Variants in CASP4 observed in about 807,000 individuals in gnomAD.
CASP4 encodes caspase 4, also known as caspase-4.
A neutral mutation model predicts 41.3 loss-of-function variants in CASP4; 29 were observed. The observed-to-expected ratio is 0.70, with a 90% confidence interval of 0.52 to 0.96. CASP4 has a LOEUF of 0.96. Ranked by LOEUF, CASP4 falls within the 40% of genes least tolerant of loss-of-function variation. CASP4 has a pLI of 0.00. For missense variants in CASP4, 447 were observed against 460.6 expected (o/e 0.97, Z 0.27); for synonymous variants, 185 against 158.4 (o/e 1.17, Z -1.26).
chr11:104,949,882 G>T, intron 4 of CASP4, 105 bp from the exon 5 acceptor site: 1 of 1,061,934 alleles, frequency 9.4e-7, no homozygotes, highest in Non-Finnish European at 1.4e-6. Context: ...CATCCAGGTC[G>T]TGGTGCTTCA....
At chr11:104,967,140 T>C (rs1284120905) in intron 1 of CASP4, among the ~76,000 whole-genome samples, 4 of 152,194 alleles carry the variant, frequency 2.6e-5, no homozygotes, top group African/African-American at 9.7e-5. Context: ...AGGATACAAT[T>C]CCTCAAGAGT....
At position 104,951,002 on chromosome 11, in the gene CASP4, A is replaced by G; in HGVS notation, c.469T>C (p.Phe157Leu). The G allele has an allele frequency of 6.2e-7, 1 of 1,613,512 alleles. No homozygotes were observed. Residue 157 changes from phenylalanine to leucine, a missense_variant, in exon 4 of 9, where the codon TTT becomes CTT. By Grantham distance (22) the Phe-to-Leu change is conservative. Coordinates refer to ENST00000444739, the MANE Select transcript of CASP4 (RefSeq NM_001225.4). Reference protein sequence around the residue: ...DHLPPRNGADFDITGMKELLE... With the variant: ...DHLPPRNGADLDITGMKELLE... ...AGCTCCTTCATCCCTGTGATGTCAA[A>G]GTCAGCTCCATTCCTCGGAGGCAGA...
In CASP4 at chr11:104,950,818, A is replaced by ACACACACACACC. The variant is rs1296932570; in HGVS notation, c.546+106_546+107insGGTGTGTGTGTG. 3.0e-6 allele frequency: 3 copies of ACACACACACACC among 983,676 alleles called. No individual in the cohort carries two copies. The African/African-American group carries it at 4.9e-5, about 16-fold the overall frequency. The allele number at this position is 983,676 out of a possible 1,614,324, so 60.9% of individuals were successfully genotyped here. A position where few individuals can be genotyped will look rare whatever the true frequency, so the allele number is the denominator to read the frequency against. Reference sequence around the variant, plus strand: ...TGTATACACACACACACACACACACACACACCCAAAGGTTGTTAAACCTTG... The same window carrying ACACACACACACC: ...TGTATACACACACACACACACACACACACACACACACCCACACCCAAAGGTTGTTAAACCTTG... On this transcript the variant is annotated intron_variant, in intron 4 of 8. Coordinates refer to ENST00000444739, the MANE Select transcript of CASP4 (RefSeq NM_001225.4).
intron 6 of CASP4, chr11:104,948,298 T>G: frequency 3.1e-6 from 1 of 326,812 alleles, no homozygotes; most frequent in East Asian, 4.8e-5. Flanking sequence ...TTAAATGGGC[T>G]TAATAAAAAA....
At chr11:104,944,175 A>T (rs1233967717) in intron 8 of CASP4, 1 of 152,608 alleles carries the variant, frequency 6.6e-6, no homozygotes, top group Non-Finnish European at 1.5e-5. Context: ...CACAAACTCT[A>T]CAGTGTAGGA....
intron 2 of CASP4, among the ~76,000 whole-genome samples, chr11:104,952,426 A>G (rs1261043752): frequency 6.6e-6 from 1 of 152,164 alleles, no homozygotes; most frequent in Non-Finnish European, 1.5e-5. Context: ...CATGTCCAAT[A>G]TTTAATTTCT....
intron 3 of CASP4, chr11:104,951,579 C>T: frequency 2.6e-6 from 1 of 381,852 alleles, no homozygotes. Flanking sequence ...TACAAGTCAG[C>T]TATATTATCC....
chr11:104,950,795 T>G, intron 4 of CASP4, 130 bp downstream of exon 4: 1 of 93,718 alleles, frequency 1.1e-5, no homozygotes, highest in Non-Finnish European at 1.7e-5. Flanking sequence ...TCTTATTTTG[T>G]ATACACACAC....
At chr11:104,955,475 T>A (rs1860716702) in intron 1 of CASP4, among the ~76,000 whole-genome samples, 1 of 152,128 alleles carries the variant, frequency 6.6e-6, no homozygotes, top group African/African-American at 2.4e-5. Context: ...AAGAACTATA[T>A]CTTTGAATTT....
intron 8 of CASP4, 142 bp downstream of exon 8, chr11:104,944,606 G>T: frequency 1.7e-6 from 1 of 580,466 alleles, no homozygotes; most frequent in Non-Finnish European, 3.1e-6. Context: ...TCGGAAAGAA[G>T]TAGCAGATAA....
chr11:104,965,894 C>A (rs2134662205), intron 1 of CASP4, among the ~76,000 whole-genome samples: 1 of 152,200 alleles, frequency 6.6e-6, no homozygotes, highest in East Asian at 1.9e-4. Flanking sequence ...CTGACACCAC[C>A]CAAACCAGTA....
intron 1 of CASP4, among the ~76,000 whole-genome samples, chr11:104,961,608 A>G (rs1860861634): frequency 6.6e-6 from 1 of 152,162 alleles, no homozygotes; most frequent in Admixed American, 6.6e-5. Flanking sequence ...TAGTAGGAAG[A>G]GTCTTGGTTC....
chr11:104,960,766 C>T (rs1860840147), intron 1 of CASP4, among the ~76,000 whole-genome samples: 1 of 152,164 alleles, frequency 6.6e-6, no homozygotes, highest in South Asian at 2.1e-4. Flanking sequence ...TGAGCCACCA[C>T]ATCCAGCCTT....
At chr11:104,953,014 C>T (rs1378643581) in intron 2 of CASP4, among the ~76,000 whole-genome samples, 3 of 152,074 alleles carry the variant, frequency 2.0e-5, no homozygotes, top group Admixed American at 2.0e-4. Context: ...GTTTAGAGAA[C>T]TTCATAACTT....
chr11:104,968,551 C>A lies in CASP4; in HGVS notation c.-26G>T. On this transcript the variant is annotated 5_prime_UTR_variant, in exon 1 of 9. Transcript: ENST00000444739. ...AGGGAACAGCCTCTGTCCTTTTTTA[C>A]AGCGTTGGAAAGAGCCTCAGAGTCA... 6.2e-7 allele frequency: 1 copy of A among 1,612,696 alleles called. No homozygotes were observed. Among genetic ancestry groups the A allele is most frequent in the Non-Finnish European group, 8.5e-7 (1 of 1,178,798 alleles).
In CASP4 at chr11:104,963,669, A is replaced by G. The variant is rs111309220; in HGVS notation, c.7+4850T>C. On this transcript the variant is annotated intron_variant, in intron 1 of 8. Transcript: ENST00000444739. ...TGGGCCACCTGGAAGATACGGAAAC[A>G]TCCCCATGCCTGACTGAGAGATGAG... Among the ~76,000 whole-genome samples the G allele has an allele frequency of 2.0e-5, 3 of 152,346 alleles. 1 individual carries two copies. The highest frequency in any genetic ancestry group is 7.2e-5 in the African/African-American group (3 of 41,592).
At chr11:104,954,485 T>C (rs1326982526) in intron 2 of CASP4, among the ~76,000 whole-genome samples, 1 of 152,194 alleles carries the variant, frequency 6.6e-6, no homozygotes, top group Non-Finnish European at 1.5e-5. Context: ...GGTTTAGTTC[T>C]ATGTGTCCCT....
chr11:104,962,731 G>A (rs2134657770), intron 1 of CASP4, among the ~76,000 whole-genome samples: 1 of 152,334 alleles, frequency 6.6e-6, no homozygotes, highest in South Asian at 2.1e-4. Context: ...AAGGTTAAAA[G>A]TGGCTTCTCT....
rs760855980 is a variant in CASP4, at chr11:104,949,626, G to A, written c.698C>T (p.Thr233Ile). ...EKKPDVLLYDTIFQIFNNRNC... is the reference protein window; with the variant it reads ...EKKPDVLLYDIIFQIFNNRNC... ...GCGGTTGTTGAATATCTGGAAGATG[G>A]TGTCATAAAGCAGCACATCTGGTTT... The change falls in exon 5 of 9, where the codon ACC (threonine) becomes ATC (isoleucine). Residue 233 changes from threonine to isoleucine, a missense_variant. By Grantham distance (89) the Thr-to-Ile change is moderately conservative (BLOSUM62 -1). Coordinates refer to ENST00000444739, the MANE Select transcript of CASP4 (RefSeq NM_001225.4). 6.2e-6 allele frequency: 10 copies of A among 1,613,960 alleles called. No individual in the cohort carries two copies. Among genetic ancestry groups the A allele is most frequent in the African/African-American group, 1.3e-5 (1 of 75,008 alleles).
Sources: allele counts gnomAD v4.1 joint callset (sites outside exome capture counted in the v4.1 genomes callset), GRCh38; gene constraint gnomAD v4.1.1; transcripts MANE v1.5; gene names NCBI Gene and HGNC (gene_info 2026-07-23, HGNC 2026-07-21).